HACE1: variants seen among roughly 807,000 people sequenced by gnomAD.
The protein encoded by HACE1 is HECT domain and ankyrin repeat containing E3 ubiquitin protein ligase 1.
Under a neutral mutation model 118.4 loss-of-function variants are expected in HACE1, and 73 were observed. The observed-to-expected ratio is 0.62, with a 90% CI of 0.51 to 0.75. HACE1 has a LOEUF of 0.75. Ranked by LOEUF, HACE1 falls within the 30% of genes least tolerant of loss-of-function variation. The pLI, the probability that HACE1 is intolerant of heterozygous loss-of-function variation, is 0.00. For missense variants in HACE1, 749 were observed against 1,102.2 expected (o/e 0.68, Z 4.54); for synonymous variants, 368 against 374.8 (o/e 0.98, Z 0.21).
chr6:104,844,407 G>A (rs1227459344), intron 4 of HACE1, among the ~76,000 whole-genome samples: 9 of 139,858 alleles, frequency 6.4e-5, no homozygotes, highest in Non-Finnish European at 1.1e-4. Context: ...GCAGTGATGC[G>A]ATCTCGGCTC....
At chr6:104,799,166 C>T (rs73768819) in intron 7 of HACE1, among the ~76,000 whole-genome samples, 5,134 of 152,286 alleles carry the variant, frequency 0.034, 274 homozygotes, top group African/African-American at 0.12. Flanking sequence ...TCTGACTTAA[C>T]GGTGACACTG....
intron 5 of HACE1, among the ~76,000 whole-genome samples, chr6:104,842,898 G>A (rs1775254775): frequency 6.6e-6 from 1 of 152,138 alleles, no homozygotes; most frequent in Non-Finnish European, 1.5e-5. Context: ...AATCACTTGA[G>A]GCCAGAAGTT....
At chr6:104,809,220 T>C (rs1400489932) in intron 7 of HACE1, among the ~76,000 whole-genome samples, 1 of 152,178 alleles carries the variant, frequency 6.6e-6, no homozygotes, top group African/African-American at 2.4e-5. Context: ...TTTCACTGAA[T>C]TTTTAGGCAT....
chr6:104,832,384 G>T (rs80238022), intron 6 of HACE1, among the ~76,000 whole-genome samples: 25,880 of 71,602 alleles, frequency 0.36, 2,349 homozygotes, highest in Middle Eastern at 0.48. Flanking sequence ...CCTGTTTTTT[G>T]TTGTTGTTGT....
At chr6:104,833,198 C>T in intron 5 of HACE1, 25 bp from the exon 6 acceptor site, 1 of 1,607,554 alleles carries the variant, frequency 6.2e-7, no homozygotes. Context: ...AGTTACTTAA[C>T]ATTTGTGTAA....
rs965996314 is a variant in HACE1 at position 104,824,535 on chromosome 6, C to T, written c.534+8507G>A. On this transcript the variant is annotated intron_variant, in intron 6 of 23. Transcript: ENST00000262903. ...AGCATTTATTAAGTTAAAATAAATA[C>T]ATAAAGGCTCTTGAAGAAACAACAC... Among the ~76,000 whole-genome samples, 3 of 152,112 alleles carry T rather than the reference C, an allele frequency of 2.0e-5. No homozygotes were observed. In the South Asian group the frequency reaches 6.2e-4, roughly 32 times the overall value.
intron 6 of HACE1, among the ~76,000 whole-genome samples, chr6:104,812,955 C>CTAT (rs1243353941): frequency 1.1e-5 from 1 of 87,680 alleles, no homozygotes; most frequent in South Asian, 2.9e-4. Context: ...ATTCTCTGCA[C>CTAT]AAAGTGAACA....
At position 104,771,311 on chromosome 6, in the gene HACE1, T is replaced by C; in HGVS notation, c.2093A>G (p.Asp698Gly). 6.2e-7 allele frequency: 1 copy of C among 1,611,240 alleles called. No individual in the cohort carries two copies. The highest frequency in any genetic ancestry group is 2.2e-5 in the East Asian group (1 of 44,832). ...AKNLQWILDN[D>G]ISDLGLELTF... ...TAGTTCTAGACCCAGATCACTTATA[T>C]CATTATCTAAAATCCATTGCAAATT... Residue 698 changes from aspartate (D) to glycine (G), a missense_variant, in exon 19 of 24, where the codon GAT (aspartate) becomes GGT (glycine). Physicochemically the swap from Asp to Gly is moderately conservative, Grantham distance 94 (BLOSUM62 -1). Transcript: ENST00000262903.
At chr6:104,795,104 G>A (rs551505088) in intron 10 of HACE1, among the ~76,000 whole-genome samples, 4 of 152,096 alleles carry the variant, frequency 2.6e-5, no homozygotes, top group East Asian at 3.9e-4. Context: ...TTAACTCCAC[G>A]AACTTAGTGA....
intron 5 of HACE1, among the ~76,000 whole-genome samples, chr6:104,834,751 C>T (rs560504094): frequency 1.1e-4 from 16 of 152,198 alleles, no homozygotes; most frequent in African/African-American, 3.6e-4. Flanking sequence ...AGAAACCCCC[C>T]AAAAAATGTG....
chr6:104,755,308 G>C (rs1323947426), intron 19 of HACE1, among the ~76,000 whole-genome samples: 1 of 152,118 alleles, frequency 6.6e-6, no homozygotes, highest in Non-Finnish European at 1.5e-5. Context: ...CAAAGAGACT[G>C]AGACTCCCAC....
chr6:104,780,293 CACAT>C (rs1781592585), intron 14 of HACE1: 2 of 425,224 alleles, frequency 4.7e-6, no homozygotes, highest in Non-Finnish European at 9.3e-6. Flanking sequence ...CACACACACA[CACAT>C]ACAAACACCT....
intron 22 of HACE1, among the ~76,000 whole-genome samples, chr6:104,738,226 A>G (rs1776163210): frequency 6.6e-6 from 1 of 152,228 alleles, no homozygotes; most frequent in Admixed American, 6.5e-5. Flanking sequence ...GAAAAAACAG[A>G]ACAGAAAAAC....
At chr6:104,731,829 A>C (rs1249045975) in intron 22 of HACE1, 1 of 151,818 alleles carries the variant, frequency 6.6e-6, no homozygotes, top group East Asian at 1.9e-4. Flanking sequence ...ATTGAATATG[A>C]CACCAAATTG....
At chr6:104,769,419 G>C (rs891938089) in intron 19 of HACE1, among the ~76,000 whole-genome samples, 3 of 151,992 alleles carry the variant, frequency 2.0e-5, no homozygotes, top group African/African-American at 2.4e-5. Context: ...TCTTATCAAA[G>C]GCAATCATTG....
Position 104,795,680 on chromosome 6 carries a change from C to A in HACE1, c.822G>T (p.Arg274=). ...QNEDLRENML[R]QVLEHLSQQS... ...GCTGAGACAAATGCTCCAGAACTTGCCGTAACTAAATTTTTTACAAATAAA... is the reference window on the plus strand; with the variant it reads ...GCTGAGACAAATGCTCCAGAACTTGACGTAACTAAATTTTTTACAAATAAA... Residue 274 remains arginine (R), a synonymous_variant, in exon 10 of 24, where the codon CGG becomes CGT. Transcript: ENST00000262903. The A allele has an allele frequency of 1.2e-6, 2 of 1,600,278 alleles. No homozygotes were observed. The highest frequency in any genetic ancestry group is 8.6e-7 in the Non-Finnish European group (1 of 1,167,658).
chr6:104,792,270 C>T (rs547834800), intron 10 of HACE1, among the ~76,000 whole-genome samples: 1 of 152,132 alleles, frequency 6.6e-6, no homozygotes, highest in African/African-American at 2.4e-5. Context: ...GAAATATTTG[C>T]CTACCATGAA....
At chr6:104,769,783 A>C (rs1780419844) in intron 19 of HACE1, among the ~76,000 whole-genome samples, 2 of 152,102 alleles carry the variant, frequency 1.3e-5, no homozygotes, top group Non-Finnish European at 2.9e-5. Context: ...TAGAATTTAA[A>C]ATTTCTAAGT....
At chr6:104,800,309 G>C (rs550216047) in intron 7 of HACE1, among the ~76,000 whole-genome samples, 3 of 152,338 alleles carry the variant, frequency 2.0e-5, no homozygotes, top group African/African-American at 7.2e-5. Context: ...AAAGGCAGCA[G>C]ATAACTTCTG....
Sources: gnomAD v4.1 joint callset for allele counts (sites outside exome capture counted in the v4.1 genomes callset) on GRCh38, gnomAD v4.1.1 for gene constraint, MANE v1.5 for transcripts, NCBI Gene and HGNC (gene_info 2026-07-23, HGNC 2026-07-21) for gene names.